The following FOXP2 variants were observed in gnomAD, a reference collection of about 807,000 sequenced individuals.
FOXP2 encodes the protein forkhead box protein P2.
A neutral mutation model predicts 115.8 loss-of-function variants in FOXP2; 12 were observed. That is an observed-to-expected ratio of 0.10 (90% CI 0.07 to 0.17). The LOEUF is 0.17. FOXP2 is among the 10% of genes least tolerant of loss of function. FOXP2 has a pLI of 1.00. For synonymous variants in FOXP2, 328 were observed against 297.7 expected, an observed-to-expected ratio of 1.10 and a Z score of -1.05; for missense variants, 629 against 843.5, an observed-to-expected ratio of 0.75 and a Z score of 3.15.
chr7:114,551,842 A>G (rs1467107759), intron 3 of FOXP2, among the ~76,000 whole-genome samples: 1 of 152,212 alleles, frequency 6.6e-6, no homozygotes, highest in African/African-American at 2.4e-5. Flanking sequence ...GAGAAAAATC[A>G]GAATACTTGT....
chr7:114,336,843 T>C (rs1797864853), intron 2 of FOXP2, among the ~76,000 whole-genome samples: 1 of 151,418 alleles, frequency 6.6e-6, no homozygotes, highest in Non-Finnish European at 1.5e-5. Context: ...GTTCACTGTA[T>C]TTCACCATGC....
intron 2 of FOXP2, among the ~76,000 whole-genome samples, chr7:114,434,772 G>A (rs895702335): frequency 6.6e-6 from 1 of 151,924 alleles, no homozygotes; most frequent in Admixed American, 6.6e-5. Context: ...TATATTTTCT[G>A]TATTACATGT....
rs1175855778 is a variant in FOXP2, at chr7:114,328,219, C to CTTTCT, written c.-11+40124_-11+40128dup. Reference sequence around the variant, plus strand: ...CAGGTGTGAGCCAGTGCTCTCAGCCCTTTCTTTTCTTTTCTTTTTTTTTTT... The same window carrying CTTTCT: ...CAGGTGTGAGCCAGTGCTCTCAGCCCTTTCTTTTCTTTTCTTTTCTTTTTTTTTTT... On this transcript the variant is annotated intron_variant, in intron 2 of 17. Coordinates refer to the FOXP2 transcript ENST00000634411. Among the ~76,000 whole-genome samples, 245 of 145,388 alleles carry CTTTCT rather than the reference C, an allele frequency of 1.7e-3. 1 individual carries two copies. The highest frequency in any genetic ancestry group is 3.8e-3 in the Middle Eastern group (1 of 260).
intron 2 of FOXP2, among the ~76,000 whole-genome samples, chr7:114,519,421 T>C (rs1204060216): frequency 1.3e-5 from 2 of 152,102 alleles, no homozygotes; most frequent in Non-Finnish European, 2.9e-5. Flanking sequence ...CGAAATTGAG[T>C]TTCTGCCAGA....
At chr7:114,308,674 G>C (rs1044237218) in intron 2 of FOXP2, among the ~76,000 whole-genome samples, 3 of 152,174 alleles carry the variant, frequency 2.0e-5, no homozygotes, top group African/African-American at 7.2e-5. Context: ...GTGGAAGGTA[G>C]AAGCATGGAC....
chr7:114,143,467 C>T (rs1792282620), intron 1 of FOXP2, among the ~76,000 whole-genome samples: 1 of 152,056 alleles, frequency 6.6e-6, no homozygotes, highest in Admixed American at 6.6e-5. Flanking sequence ...CCCCCACCCC[C>T]AGTCTATTTG....
At chr7:114,496,399 T>C (rs962519784) in intron 2 of FOXP2, among the ~76,000 whole-genome samples, 4 of 152,144 alleles carry the variant, frequency 2.6e-5, no homozygotes, top group African/African-American at 9.6e-5. Context: ...TAAATTAGAC[T>C]TGTAAGGATG....
chr7:114,549,516 C>A (rs1800096273), intron 3 of FOXP2, among the ~76,000 whole-genome samples: 1 of 152,130 alleles, frequency 6.6e-6, no homozygotes, highest in Non-Finnish European at 1.5e-5. Context: ...TGTGAGGTCT[C>A]TATGCTATAT....
intron 1 of FOXP2, among the ~76,000 whole-genome samples, chr7:114,249,332 T>A (rs1341641467): frequency 6.6e-6 from 1 of 152,148 alleles, no homozygotes; most frequent in Admixed American, 6.5e-5. Flanking sequence ...ATGCCCAACA[T>A]GCATTAGCTG....
intron 14 of FOXP2, 97 bp downstream of exon 14, chr7:114,662,283 T>G (rs1221731392): frequency 6.6e-7 from 1 of 1,511,626 alleles, no homozygotes; most frequent in Non-Finnish European, 9.1e-7. Flanking sequence ...GTTAGCTTAA[T>G]GGCATGCTAA....
At chr7:114,615,080 G>T (rs1445820770) in intron 3 of FOXP2, among the ~76,000 whole-genome samples, 3 of 152,032 alleles carry the variant, frequency 2.0e-5, no homozygotes, top group Non-Finnish European at 4.4e-5. Flanking sequence ...TTAGCCAGGC[G>T]TGGTGGTGGG....
At chr7:114,219,814 C>G (rs906043030) in intron 1 of FOXP2, among the ~76,000 whole-genome samples, 5 of 151,620 alleles carry the variant, frequency 3.3e-5, no homozygotes, top group Non-Finnish European at 7.4e-5. Flanking sequence ...ATAGCTAGCA[C>G]GAGGTTTCTG....
chr7:114,531,028 A>G (rs1458368396), intron 2 of FOXP2, among the ~76,000 whole-genome samples: 1 of 151,848 alleles, frequency 6.6e-6, no homozygotes, highest in Non-Finnish European at 1.5e-5. Context: ...TTCCTAAAAT[A>G]GGATAACTTC....
At chr7:114,107,897 A>G (rs1017967679) in intron 1 of FOXP2, among the ~76,000 whole-genome samples, 1 of 151,936 alleles carries the variant, frequency 6.6e-6, no homozygotes, top group Admixed American at 6.6e-5. Context: ...ATTCCATTGT[A>G]CTTACTTAGA....
At position 114,658,173 on chromosome 7, in the gene FOXP2, C is replaced by A; in HGVS notation, c.1374C>A (p.Thr458=). The change falls in exon 11 of 17, where the codon ACC becomes ACA. Residue 458 remains threonine (T), a synonymous_variant. Coordinates refer to ENST00000350908, the MANE Select transcript of FOXP2 (RefSeq NM_014491.4). ...CAACGGCCCCAGTCACCCCGATTAC[C>A]CAGGGACCCTCAGTAATCACCCCAG... ...TTPTAPVTPI[T]QGPSVITPAS... 1 of 1,613,864 alleles carries A rather than the reference C, an allele frequency of 6.2e-7. No individual in the cohort carries two copies. Among genetic ancestry groups the A allele is most frequent in the Non-Finnish European group, 8.5e-7 (1 of 1,179,896 alleles).
At chr7:114,102,445 A>G (rs1790994861) in intron 1 of FOXP2, among the ~76,000 whole-genome samples, 1 of 152,008 alleles carries the variant, frequency 6.6e-6, no homozygotes, top group South Asian at 2.1e-4. Context: ...CCGCCATTAT[A>G]CTATAAAAGC....
chr7:114,367,505 G>A (rs190511173), intron 2 of FOXP2, among the ~76,000 whole-genome samples: 95 of 152,198 alleles, frequency 6.2e-4, no homozygotes, highest in Non-Finnish European at 1.1e-3. Context: ...GCCAGTATAA[G>A]TAATAATAAG....
At chr7:114,434,629 T>G (rs1342495498) in intron 2 of FOXP2, among the ~76,000 whole-genome samples, 4 of 152,006 alleles carry the variant, frequency 2.6e-5, no homozygotes, top group African/African-American at 9.7e-5. Flanking sequence ...CAAATACTGT[T>G]GTTTTTCTAA....
intron 3 of FOXP2, among the ~76,000 whole-genome samples, chr7:114,569,521 C>T (rs1801187354): frequency 6.6e-6 from 1 of 151,854 alleles, no homozygotes; most frequent in Non-Finnish European, 1.5e-5. Flanking sequence ...GAGTCACACC[C>T]CTGTGTATCT....
Sources: allele counts gnomAD v4.1 joint callset (sites outside exome capture counted in the v4.1 genomes callset), GRCh38; gene constraint gnomAD v4.1.1; transcripts MANE v1.5; gene names NCBI Gene and HGNC (gene_info 2026-07-23, HGNC 2026-07-21).